Variants in CALN1 observed in about 807,000 individuals in gnomAD.
CALN1 encodes calneuron 1, also known as calcium-binding protein 8.
A neutral mutation model predicts 30.6 loss-of-function variants in CALN1; 17 were observed. The ratio of observed to expected loss-of-function variants is 0.56; its 90% CI spans 0.38 to 0.83. The LOEUF (loss-of-function observed/expected upper bound fraction) is 0.83, where lower values mean the gene tolerates loss of function less well. Among genes scored for constraint, CALN1 ranks in the 40% least tolerant of loss-of-function variants. The probability of loss-of-function intolerance (pLI) is 0.00; values close to 1 mark genes in which losing one functional copy is unlikely to be tolerated. For missense variants in CALN1, 291 were observed against 354.9 expected (o/e 0.82, Z 1.45); for synonymous variants, 156 against 131.4 (o/e 1.19, Z -1.28).
intron 5 of CALN1, among the ~76,000 whole-genome samples, chr7:71,965,242 G>A (rs1201253825): frequency 6.6e-6 from 1 of 152,036 alleles, no homozygotes; most frequent in East Asian, 1.9e-4. Context: ...TGTTGCCCAG[G>A]CTGGTCTCAA....
intron 3 of CALN1, among the ~76,000 whole-genome samples, chr7:72,128,940 C>T (rs1040954316): frequency 2.6e-5 from 4 of 152,082 alleles, no homozygotes; most frequent in Non-Finnish European, 4.4e-5. Flanking sequence ...AAATCAGAAA[C>T]AAAGTAAACA....
intron 3 of CALN1, among the ~76,000 whole-genome samples, chr7:72,271,807 A>C (rs1797013215): frequency 6.6e-6 from 1 of 151,678 alleles, no homozygotes; most frequent in Non-Finnish European, 1.5e-5. Context: ...TCATGCCTAT[A>C]ATCCCAGCAC....
chr7:72,099,574 TGAA>T (rs1806498455), intron 4 of CALN1, among the ~76,000 whole-genome samples: 1 of 152,076 alleles, frequency 6.6e-6, no homozygotes, highest in Admixed American at 6.6e-5. Flanking sequence ...ATTGGCAACG[TGAA>T]ATTTGCAAAA....
chr7:72,494,711 A>G, the CALN1 span, among the ~76,000 whole-genome samples: 6 of 151,386 alleles, frequency 4.0e-5, no homozygotes, highest in African/African-American at 1.5e-4. Flanking sequence ...AAAAAAAATT[A>G]TTTTAATTAC....
chr7:72,351,548 G>A (rs956737263), intron 2 of CALN1, among the ~76,000 whole-genome samples: 3 of 152,134 alleles, frequency 2.0e-5, no homozygotes, highest in African/African-American at 4.8e-5. Context: ...ATGTACGACA[G>A]CTACAGCACA....
chr7:72,176,075 C>A (rs1218318527), intron 3 of CALN1, among the ~76,000 whole-genome samples: 1 of 152,210 alleles, frequency 6.6e-6, no homozygotes, highest in East Asian at 1.9e-4. Context: ...CATTCTGAGT[C>A]TGTGATAAGC....
chr7:72,011,218 G>GAAAAAACAAA (rs1007244198), intron 5 of CALN1, among the ~76,000 whole-genome samples: 2 of 150,428 alleles, frequency 1.3e-5, no homozygotes, highest in East Asian at 3.9e-4. Flanking sequence ...GGCAATATAG[G>GAAAAAACAAA]AAAAAACAAA....
the CALN1 span, among the ~76,000 whole-genome samples, chr7:72,501,114 CA>C: frequency 6.6e-6 from 1 of 151,892 alleles, no homozygotes; most frequent in Non-Finnish European, 1.5e-5. Flanking sequence ...TTTAGTGATA[CA>C]AAATCAGGAG....
chr7:72,145,949 T>G (rs563422393), intron 3 of CALN1, among the ~76,000 whole-genome samples: 6 of 152,288 alleles, frequency 3.9e-5, no homozygotes, highest in East Asian at 3.9e-4. Context: ...TCTCAATAAA[T>G]TAGGTATTGA....
At chr7:71,914,710 T>A (rs1238253264) in intron 5 of CALN1, among the ~76,000 whole-genome samples, 2 of 152,172 alleles carry the variant, frequency 1.3e-5, no homozygotes, top group Non-Finnish European at 2.9e-5. Flanking sequence ...CAGCATCTGT[T>A]ATCTTCTGAC....
upstream of CALN1, among the ~76,000 whole-genome samples, chr7:72,449,282 A>G (rs1772368641): frequency 1.3e-5 from 2 of 152,216 alleles, no homozygotes; most frequent in African/African-American, 4.8e-5. Flanking sequence ...CGCACTGCAG[A>G]GGGCATGCCC....
chr7:72,257,705 C>T (rs10215139), intron 3 of CALN1, among the ~76,000 whole-genome samples: 28,741 of 152,090 alleles, frequency 0.19, 3,781 homozygotes, highest in East Asian at 0.43. Flanking sequence ...AATGTGGAAC[C>T]GACCTCAATG....
At chr7:72,301,780 T>C (rs1799277516) in intron 2 of CALN1, among the ~76,000 whole-genome samples, 1 of 152,034 alleles carries the variant, frequency 6.6e-6, no homozygotes, top group Admixed American at 6.6e-5. Flanking sequence ...CCCACTGCTA[T>C]AAAAGAGTTT....
At chr7:72,380,227 C>A (rs141522126) in intron 2 of CALN1, among the ~76,000 whole-genome samples, 84 of 152,240 alleles carry the variant, frequency 5.5e-4, no homozygotes, top group African/African-American at 1.9e-3. Context: ...AATCAGCAAA[C>A]GCCAAGCTTC....
intron 3 of CALN1, among the ~76,000 whole-genome samples, chr7:72,205,359 C>T: frequency 6.6e-6 from 1 of 150,864 alleles, no homozygotes; most frequent in Non-Finnish European, 1.5e-5. Context: ...TACCACCACA[C>T]CTGGCTAATT....
rs1192344883 is a variant in CALN1 at position 71,852,470 on chromosome 7, C to CAAAAA, written c.502-41979_502-41978insTTTTT. On this transcript the variant is annotated intron_variant, in intron 5 of 6. Coordinates refer to ENST00000395275, the MANE Select transcript of CALN1 (RefSeq NM_031468.4). Reference sequence around the variant, plus strand: ...TGGGCATTATAGTGAGACCCTGTCTCTAAAAAAAAAAAAAAAAAAAAATCT... The same window carrying CAAAAA: ...TGGGCATTATAGTGAGACCCTGTCTCAAAAATAAAAAAAAAAAAAAAAAAAAATCT... Among the ~76,000 whole-genome samples the CAAAAA allele has an allele frequency of 3.7e-5, 3 of 81,508 alleles. No individual in the cohort carries two copies. The East Asian group carries it at 2.7e-3, about 72-fold the overall frequency. The allele number at this position is 81,508 out of a possible 152,430, so 53.5% of individuals were successfully genotyped here.
At chr7:71,969,655 G>A (rs1165056345) in intron 5 of CALN1, among the ~76,000 whole-genome samples, 2 of 152,080 alleles carry the variant, frequency 1.3e-5, no homozygotes, top group Admixed American at 6.6e-5. Flanking sequence ...TAAACAGGAT[G>A]GTACTTAGGG....
chr7:71,983,707 T>A (rs1394574128), intron 5 of CALN1, among the ~76,000 whole-genome samples: 1 of 152,154 alleles, frequency 6.6e-6, no homozygotes, highest in African/African-American at 2.4e-5. Flanking sequence ...AATTTTTGTA[T>A]TTTTAGTAGA....
At chr7:71,894,175 C>T (rs972680766) in intron 5 of CALN1, among the ~76,000 whole-genome samples, 6 of 152,110 alleles carry the variant, frequency 3.9e-5, no homozygotes, top group Non-Finnish European at 5.9e-5. Flanking sequence ...CATCTGATGT[C>T]TTTATTTATA....
Sources: allele counts gnomAD v4.1 joint callset (sites outside exome capture counted in the v4.1 genomes callset), GRCh38; gene constraint gnomAD v4.1.1; transcripts MANE v1.5; gene names NCBI Gene and HGNC (gene_info 2026-07-23, HGNC 2026-07-21).